CALN1: variants seen among roughly 807,000 people sequenced by gnomAD.
The protein encoded by CALN1 is calneuron 1.
CALN1 carries 17 observed loss-of-function variants against 30.6 expected under a neutral mutation model. The ratio of observed to expected loss-of-function variants is 0.56; its 90% CI spans 0.38 to 0.83. CALN1 has a LOEUF of 0.83. CALN1 is among the 40% of genes least tolerant of loss of function. CALN1 has a pLI of 0.00. For synonymous variants in CALN1, 156 were observed against 131.4 expected, an observed-to-expected ratio of 1.19 and a Z score of -1.28; for missense variants, 291 against 354.9, an observed-to-expected ratio of 0.82 and a Z score of 1.45.
At chr7:71,811,733 C>T (rs1031339449) in intron 5 of CALN1, among the ~76,000 whole-genome samples, 1 of 148,416 alleles carries the variant, frequency 6.7e-6, no homozygotes. Context: ...GGCTGGAGTG[C>T]AGTGGCGCGA....
intron 3 of CALN1, among the ~76,000 whole-genome samples, chr7:72,221,399 G>A (rs983245729): frequency 2.1e-5 from 3 of 142,618 alleles, no homozygotes; most frequent in Non-Finnish European, 3.0e-5. Context: ...CTCACTGCAA[G>A]CTCCGCCTCC....
intron 3 of CALN1, among the ~76,000 whole-genome samples, chr7:72,163,543 G>A (rs73355348): frequency 0.012 from 1,848 of 152,200 alleles, 31 homozygotes; most frequent in African/African-American, 0.04. Flanking sequence ...AGGAAAATAT[G>A]TCCTAATAGG....
chr7:71,799,689 T>C (rs1787190593), intron 6 of CALN1, among the ~76,000 whole-genome samples: 11 of 152,136 alleles, frequency 7.2e-5, no homozygotes. Context: ...TTGGTCAGGC[T>C]GGTCTCGAAC....
rs190031492 is a variant in CALN1 at position 72,282,021 on chromosome 7, G to C, written c.120-3211C>G. Among the ~76,000 whole-genome samples the C allele has an allele frequency of 8.6e-4, 131 of 152,316 alleles. No individual in the cohort carries two copies. In the Middle Eastern group the frequency reaches 0.01, roughly 12 times the overall value. On this transcript the variant is annotated intron_variant, in intron 2 of 6. Transcript: ENST00000395275. ...TTCAAAAAGCTCAAAGTCTAGTGGG[G>C]AAGAAACCATGAGCAATGGAACGAT...
intron 3 of CALN1, among the ~76,000 whole-genome samples, chr7:72,141,233 A>G (rs1809911182): frequency 6.6e-6 from 1 of 152,098 alleles, no homozygotes; most frequent in Admixed American, 6.5e-5. Flanking sequence ...AGGAGGTTGC[A>G]GTGAGCCATG....
At chr7:72,456,738 T>C in the CALN1 span, among the ~76,000 whole-genome samples, 2 of 151,850 alleles carry the variant, frequency 1.3e-5, no homozygotes, top group Non-Finnish European at 2.9e-5. Flanking sequence ...CCCAGCTACT[T>C]GGGAGGCTGA....
intron 5 of CALN1, among the ~76,000 whole-genome samples, chr7:71,930,159 T>C (rs1280491136): frequency 2.0e-5 from 3 of 152,202 alleles, no homozygotes; most frequent in African/African-American, 4.8e-5. Flanking sequence ...ACAATTTTTT[T>C]CCCAGGCTAT....
At chr7:72,307,308 G>C (rs1191667596) in intron 2 of CALN1, among the ~76,000 whole-genome samples, 1 of 152,124 alleles carries the variant, frequency 6.6e-6, no homozygotes, top group Non-Finnish European at 1.5e-5. Context: ...TTTTTGAGTT[G>C]ACAGCATGAG....
At position 71,938,563 on chromosome 7, in the gene CALN1, G is replaced by C. The variant is rs111702085; in HGVS notation, c.501+85094C>G. ...TGTAATCCCAGCATTTTGGGAGGCT[G>C]AGGTGGGCAGATCACGAGGTCAGGA... On this transcript the variant is annotated intron_variant, in intron 5 of 6. Transcript: ENST00000395275. Among the ~76,000 whole-genome samples the C allele has an allele frequency of 9.6e-3, 1,462 of 152,226 alleles. 28 individuals carry two copies. Among genetic ancestry groups the C allele is most frequent in the African/African-American group, 0.032 (1,325 of 41,542 alleles).
At chr7:71,945,873 A>C (rs1337864412) in intron 5 of CALN1, among the ~76,000 whole-genome samples, 1 of 152,158 alleles carries the variant, frequency 6.6e-6, no homozygotes, top group Non-Finnish European at 1.5e-5. Context: ...ATCCTTCCTC[A>C]CTGGTCTGTG....
chr7:71,921,006 C>A (rs933554096), intron 5 of CALN1, among the ~76,000 whole-genome samples: 2 of 152,128 alleles, frequency 1.3e-5, no homozygotes, highest in Admixed American at 1.3e-4. Flanking sequence ...ACATATACAC[C>A]ATGGAATACT....
intron 5 of CALN1, among the ~76,000 whole-genome samples, chr7:71,983,720 CG>C (rs1798522390): frequency 6.6e-6 from 1 of 151,966 alleles, no homozygotes; most frequent in Non-Finnish European, 1.5e-5. Flanking sequence ...TTAGTAGAAA[CG>C]GGGTTTCGCC....
At chr7:72,500,378 T>C in the CALN1 span, among the ~76,000 whole-genome samples, 1 of 141,888 alleles carries the variant, frequency 7.0e-6, no homozygotes, top group Non-Finnish European at 1.5e-5. Context: ...CCTCCCGGGT[T>C]CAAGCAATTC....
At chr7:72,183,063 GTTGT>G (rs1789933791) in intron 3 of CALN1, among the ~76,000 whole-genome samples, 1 of 152,022 alleles carries the variant, frequency 6.6e-6, no homozygotes, top group African/African-American at 2.4e-5. Flanking sequence ...TGGGGTGTTT[GTTGT>G]TTGTCTGTTT....
At chr7:72,355,518 T>C (rs926478430) in intron 2 of CALN1, among the ~76,000 whole-genome samples, 3 of 152,144 alleles carry the variant, frequency 2.0e-5, no homozygotes, top group Admixed American at 6.5e-5. Context: ...AGAGTGAGAC[T>C]GTCTCAAAAA....
At chr7:72,242,696 T>C (rs1363731705) in intron 3 of CALN1, among the ~76,000 whole-genome samples, 2 of 152,136 alleles carry the variant, frequency 1.3e-5, no homozygotes, top group Non-Finnish European at 2.9e-5. Flanking sequence ...GAGACCAGCC[T>C]GTCCAACATG....
At chr7:71,883,132 T>G (rs1584439221) in intron 5 of CALN1, among the ~76,000 whole-genome samples, 1 of 144,878 alleles carries the variant, frequency 6.9e-6, no homozygotes, top group South Asian at 2.1e-4. Flanking sequence ...TATAGCTCTA[T>G]ATCTATATAA....
intron 5 of CALN1, among the ~76,000 whole-genome samples, chr7:71,973,023 C>T (rs1001872537): frequency 6.6e-6 from 1 of 151,272 alleles, no homozygotes; most frequent in East Asian, 1.9e-4. Flanking sequence ...CATCCCCTCA[C>T]TGGAGGGTGG....
intron 5 of CALN1, among the ~76,000 whole-genome samples, chr7:71,878,404 A>G (rs1792374519): frequency 6.6e-6 from 1 of 151,296 alleles, no homozygotes; most frequent in Non-Finnish European, 1.5e-5. Context: ...CCTGTCTCAA[A>G]AAAAAAAAAA....
Sources: allele counts gnomAD v4.1 joint callset (sites outside exome capture counted in the v4.1 genomes callset), GRCh38; gene constraint gnomAD v4.1.1; transcripts MANE v1.5; gene names NCBI Gene and HGNC (gene_info 2026-07-23, HGNC 2026-07-21).